Variants in C11orf65 observed in about 807,000 individuals in gnomAD.
The protein encoded by C11orf65 is protein MFI.
Under a neutral mutation model 35.3 loss-of-function variants are expected in C11orf65, and 38 were observed. The ratio of observed to expected loss-of-function variants is 1.08; its 90% CI spans 0.83 to 1.41. The LOEUF (loss-of-function observed/expected upper bound fraction) is 1.41, where lower values mean the gene tolerates loss of function less well. C11orf65 is among the 40% of genes most tolerant of loss of function. The pLI is 0.00. For missense variants in C11orf65, 370 were observed against 367.1 expected (o/e 1.01, Z -0.06); for synonymous variants, 105 against 114.4 (o/e 0.92, Z 0.53).
chr11:108,444,096 G>C (rs1035508345), intron 2 of C11orf65, among the ~76,000 whole-genome samples: 1 of 152,046 alleles, frequency 6.6e-6, no homozygotes, highest in African/African-American at 2.4e-5. Flanking sequence ...GAAGAAAAGA[G>C]AGAAGAATCA....
intron 2 of C11orf65, among the ~76,000 whole-genome samples, chr11:108,438,489 G>A (rs1652452617): frequency 6.6e-6 from 1 of 151,622 alleles, no homozygotes; most frequent in African/African-American, 2.4e-5. Context: ...AGGCGGAGTT[G>A]GCACTGAGCT....
At chr11:108,326,294 TA>T in intron 6 of C11orf65, 1 of 1,551,020 alleles carries the variant, frequency 6.4e-7, no homozygotes, top group Non-Finnish European at 8.8e-7. Flanking sequence ...TACTTTAAAA[TA>T]TTTTTAATAA....
upstream of C11orf65, among the ~76,000 whole-genome samples, chr11:108,468,468 AGTTTTGC>A (rs1334279838): frequency 3.9e-5 from 6 of 152,222 alleles, no homozygotes; most frequent in African/African-American, 1.4e-4. Context: ...AGAACTGCCC[AGTTTTGC>A]TATGTTCGTC....
chr11:108,440,384 GCT>G (rs910097732), intron 2 of C11orf65, among the ~76,000 whole-genome samples: 6 of 152,212 alleles, frequency 3.9e-5, no homozygotes, highest in African/African-American at 1.4e-4. Flanking sequence ...AATGACTGAG[GCT>G]TCAGCGGGGA....
chr11:108,420,479 G>C (rs2092799836), intron 3 of C11orf65, among the ~76,000 whole-genome samples: 1 of 152,230 alleles, frequency 6.6e-6, no homozygotes, highest in East Asian at 1.9e-4. Context: ...ACCACATTCT[G>C]CTCAGTCACT....
intron 6 of C11orf65, among the ~76,000 whole-genome samples, chr11:108,403,410 T>TG (rs1219550863): frequency 1.9e-5 from 1 of 51,336 alleles, no homozygotes; most frequent in Non-Finnish European, 3.8e-5. Flanking sequence ...GTTTGAGAGG[T>TG]TTTTTTTTTG....
At chr11:108,357,581 C>A (rs1199304867) in intron 2 of C11orf65, among the ~76,000 whole-genome samples, 2 of 152,200 alleles carry the variant, frequency 1.3e-5, no homozygotes, top group African/African-American at 2.4e-5. Context: ...GTTCTCCCAG[C>A]ACGCAGCTGG....
At chr11:108,314,183 A>C (rs2084409133) in intron 6 of C11orf65, among the ~76,000 whole-genome samples, 1 of 151,906 alleles carries the variant, frequency 6.6e-6, no homozygotes, top group South Asian at 2.1e-4. Flanking sequence ...TGGTGCAGTC[A>C]TAACACACTG....
chr11:108,353,069 TG>T (rs2089405965), intron 2 of C11orf65, among the ~76,000 whole-genome samples: 1 of 152,080 alleles, frequency 6.6e-6, no homozygotes, highest in African/African-American at 2.4e-5. Flanking sequence ...TGGGGTGAAA[TG>T]GGGAAAAGGC....
At chr11:108,441,449 T>G (rs2135515853) in intron 2 of C11orf65, among the ~76,000 whole-genome samples, 1 of 152,348 alleles carries the variant, frequency 6.6e-6, no homozygotes, top group South Asian at 2.1e-4. Flanking sequence ...TAAACGTCCC[T>G]GTCTGACAGC....
chr11:108,340,399 C>T (rs1394318664), intron 2 of C11orf65: 1 of 152,056 alleles, frequency 6.6e-6, no homozygotes, highest in African/African-American at 2.4e-5. Context: ...AAACCATTCT[C>T]ACAATACTGT....
At chr11:108,463,813 CA>C (rs2093500293) in intron 1 of C11orf65, among the ~76,000 whole-genome samples, 1 of 152,034 alleles carries the variant, frequency 6.6e-6, no homozygotes, top group Admixed American at 6.6e-5. Flanking sequence ...TGCATTATTC[CA>C]GTTAGGAAAC....
chr11:108,335,345 C>A, intron 2 of C11orf65: 2 of 1,246,642 alleles, frequency 1.6e-6, no homozygotes, highest in South Asian at 2.8e-5. Context: ...ATACCATTAA[C>A]ATGTACAGAC....
intron 5 of C11orf65, among the ~76,000 whole-genome samples, chr11:108,406,222 T>C (rs1245629844): frequency 6.6e-6 from 1 of 152,248 alleles, no homozygotes; most frequent in Non-Finnish European, 1.5e-5. Flanking sequence ...GTCTGGTATA[T>C]GGTTGATATG....
chr11:108,339,483 G>GTT (rs1300835794), intron 2 of C11orf65, among the ~76,000 whole-genome samples: 1 of 152,050 alleles, frequency 6.6e-6, no homozygotes, highest in Non-Finnish European at 1.5e-5. Context: ...GATATCAGCT[G>GTT]TGTACTTTCA....
chr11:108,373,225 CTCAA>C (rs1191833385), intron 2 of C11orf65, among the ~76,000 whole-genome samples: 4 of 152,278 alleles, frequency 2.6e-5, no homozygotes, highest in East Asian at 1.9e-4. Flanking sequence ...TCCAGATTGA[CTCAA>C]TCAATGTAAC....
downstream of C11orf65, chr11:108,331,191 AC>A (rs1350862344): frequency 1.7e-6 from 2 of 1,189,128 alleles, no homozygotes; most frequent in African/African-American, 3.2e-5. Context: ...TATAAACAGT[AC>A]CAAGTATTCT....
At chr11:108,412,039 G>A (rs2092667633) in intron 3 of C11orf65, among the ~76,000 whole-genome samples, 1 of 152,102 alleles carries the variant, frequency 6.6e-6, no homozygotes, top group Non-Finnish European at 1.5e-5. Flanking sequence ...GCCTCCCAAA[G>A]TGTTGGGATT....
At chr11:108,466,985 AAACT>A (rs2093548132) in intron 1 of C11orf65, among the ~76,000 whole-genome samples, 1 of 151,710 alleles carries the variant, frequency 6.6e-6, no homozygotes, top group African/African-American at 2.4e-5. Flanking sequence ...AGGAGAAGAA[AAACT>A]AACCTATTCT....
Sources: allele counts gnomAD v4.1 joint callset (sites outside exome capture counted in the v4.1 genomes callset), GRCh38; gene constraint gnomAD v4.1.1; transcripts MANE v1.5; gene names NCBI Gene and HGNC (gene_info 2026-07-23, HGNC 2026-07-21).